XRCC4: variants seen among roughly 807,000 people sequenced by gnomAD.
XRCC4 encodes DNA repair protein XRCC4.
A neutral mutation model predicts 39.1 loss-of-function variants in XRCC4; 28 were observed. The observed-to-expected ratio is 0.72, with a 90% CI of 0.53 to 0.98. The LOEUF (loss-of-function observed/expected upper bound fraction) is 0.98. Ranked by LOEUF, XRCC4 falls within the 50% of genes least tolerant of loss-of-function variation. The pLI is 0.00. For synonymous variants in XRCC4, 123 were observed against 126.4 expected (o/e 0.97, Z 0.18); for missense variants, 350 against 376.4 (o/e 0.93, Z 0.58).
chr5:83,084,137 G>A (rs942237508), intron 1 of XRCC4, among the ~76,000 whole-genome samples: 2 of 152,190 alleles, frequency 1.3e-5, no homozygotes, highest in Admixed American at 1.3e-4. Flanking sequence ...CAGCTATGAA[G>A]CATAGTTTTG....
chr5:83,305,465 A>G lies in XRCC4; in HGVS notation c.893+46788A>G, dbSNP rs150108247. Among the ~76,000 whole-genome samples, 832 of 152,216 alleles carry G rather than the reference A, an allele frequency of 5.5e-3. 5 individuals carry two copies. Among genetic ancestry groups the G allele is most frequent in the Non-Finnish European group, 7.1e-3 (480 of 67,972 alleles). ...TTTAAGATGTATAATTTAAATCTCA[A>G]AGTAGAGTCTAAAATGTGTTATGTT... On this transcript the variant is annotated intron_variant, in intron 7 of 7. Transcript: ENST00000396027.
intron 3 of XRCC4, among the ~76,000 whole-genome samples, chr5:83,151,238 T>C (rs1246367304): frequency 1.3e-5 from 2 of 152,110 alleles, no homozygotes; most frequent in Non-Finnish European, 2.9e-5. Context: ...TATGACAGTA[T>C]TTTCTTCATA....
At chr5:83,131,263 A>C (rs1052127363) in intron 3 of XRCC4, among the ~76,000 whole-genome samples, 2 of 152,100 alleles carry the variant, frequency 1.3e-5, no homozygotes, top group Non-Finnish European at 2.9e-5. Flanking sequence ...TTCAGTTTCC[A>C]TGTAGTTGGC....
intron 6 of XRCC4, among the ~76,000 whole-genome samples, chr5:83,226,481 T>C (rs771797530): frequency 3.6e-4 from 54 of 151,990 alleles, no homozygotes; most frequent in Admixed American, 7.9e-4. Context: ...ACTACAGCCT[T>C]TTCCATTACA....
chr5:83,360,865 T>C, the XRCC4 span, among the ~76,000 whole-genome samples: 1 of 152,172 alleles, frequency 6.6e-6, no homozygotes, highest in Non-Finnish European at 1.5e-5. Context: ...AGCTTTGGGA[T>C]AGTTAGTTAC....
intron 6 of XRCC4, among the ~76,000 whole-genome samples, chr5:83,235,517 T>C (rs1034447079): frequency 2.0e-5 from 3 of 152,118 alleles, no homozygotes; most frequent in African/African-American, 7.2e-5. Context: ...CATTATATTT[T>C]CATAATAAAA....
intron 3 of XRCC4, among the ~76,000 whole-genome samples, chr5:83,133,928 C>T (rs149480344): frequency 2.0e-5 from 3 of 152,198 alleles, no homozygotes. Context: ...CTGGCTCCCT[C>T]TGCTGGCGGG....
intron 1 of XRCC4, among the ~76,000 whole-genome samples, chr5:83,092,547 G>A (rs150968924): frequency 3.6e-4 from 54 of 151,992 alleles, no homozygotes; most frequent in Middle Eastern, 6.8e-3. Flanking sequence ...CTTAGTACAG[G>A]GTTAAAGGAC....
intron 1 of XRCC4, among the ~76,000 whole-genome samples, chr5:83,091,873 T>C (rs1183253560): frequency 6.6e-6 from 1 of 152,232 alleles, no homozygotes; most frequent in Non-Finnish European, 1.5e-5. Flanking sequence ...TTCAGGTAAA[T>C]ACTCAGAAGT....
the XRCC4 span, among the ~76,000 whole-genome samples, chr5:83,373,633 C>T: frequency 7.2e-5 from 11 of 152,116 alleles, no homozygotes; most frequent in Non-Finnish European, 1.3e-4. Flanking sequence ...TCTTTCAATC[C>T]TGATCACATG....
chr5:83,368,230 T>C, the XRCC4 span, among the ~76,000 whole-genome samples: 1 of 152,158 alleles, frequency 6.6e-6, no homozygotes, highest in African/African-American at 2.4e-5. Context: ...GGGTGACCCT[T>C]GGAAAGCGTC....
intron 6 of XRCC4, among the ~76,000 whole-genome samples, chr5:83,255,895 G>T (rs868762989): frequency 6.6e-6 from 1 of 152,022 alleles, no homozygotes; most frequent in Admixed American, 6.6e-5. Flanking sequence ...AATTTAGCAG[G>T]TTATCTCTAG....
chr5:83,276,086 A>G (rs1375270849), intron 7 of XRCC4, among the ~76,000 whole-genome samples: 1 of 152,184 alleles, frequency 6.6e-6, no homozygotes, highest in Admixed American at 6.5e-5. Context: ...CAAAAGCAAT[A>G]TACATTCAGT....
At chr5:83,149,182 T>G (rs1467631995) in intron 3 of XRCC4, among the ~76,000 whole-genome samples, 2 of 152,206 alleles carry the variant, frequency 1.3e-5, no homozygotes, top group Non-Finnish European at 2.9e-5. Context: ...ATCAATCCAC[T>G]GATGATTCTT....
chr5:83,301,049 G>C (rs563702315), intron 7 of XRCC4, among the ~76,000 whole-genome samples: 2 of 152,096 alleles, frequency 1.3e-5, no homozygotes, highest in Non-Finnish European at 2.9e-5. Flanking sequence ...ATATGTGTGC[G>C]TGTGTCTTTA....
At chr5:83,212,059 T>C (rs1385122721) in intron 6 of XRCC4, among the ~76,000 whole-genome samples, 1 of 152,116 alleles carries the variant, frequency 6.6e-6, no homozygotes, top group Non-Finnish European at 1.5e-5. Flanking sequence ...TTTATATCTA[T>C]ATCTGTATCT....
At chr5:83,275,896 A>G (rs1273940728) in intron 7 of XRCC4, among the ~76,000 whole-genome samples, 2 of 152,214 alleles carry the variant, frequency 1.3e-5, no homozygotes, top group African/African-American at 4.8e-5. Flanking sequence ...CATTTGTGGA[A>G]AAATGAATAC....
intron 3 of XRCC4, among the ~76,000 whole-genome samples, chr5:83,129,807 A>C (rs1403858114): frequency 3.3e-5 from 5 of 152,138 alleles, no homozygotes; most frequent in Non-Finnish European, 7.3e-5. Flanking sequence ...TGATTTTTGT[A>C]CATTGATTTT....
chr5:83,327,128 T>C (rs1436717536), intron 7 of XRCC4, among the ~76,000 whole-genome samples: 1 of 152,108 alleles, frequency 6.6e-6, no homozygotes, highest in Non-Finnish European at 1.5e-5. Flanking sequence ...CTGTGAATTT[T>C]GACAAATTTA....
Sources: gnomAD v4.1 joint callset for allele counts (sites outside exome capture counted in the v4.1 genomes callset) on GRCh38, gnomAD v4.1.1 for gene constraint, MANE v1.5 for transcripts, NCBI Gene and HGNC (gene_info 2026-07-23, HGNC 2026-07-21) for gene names.